The following RBFOX1 variants were observed in gnomAD, a reference collection of about 807,000 sequenced individuals.
RBFOX1 encodes RNA binding fox-1 homolog 1.
A neutral mutation model predicts 57.7 loss-of-function variants in RBFOX1; 8 were observed. The observed-to-expected ratio is 0.14, with a 90% CI of 0.08 to 0.25. The LOEUF (loss-of-function observed/expected upper bound fraction) is 0.25, where lower values mean the gene tolerates loss of function less well. RBFOX1 is among the 10% of genes least tolerant of loss of function. The pLI, the probability that RBFOX1 is intolerant of heterozygous loss-of-function variation, is 1.00. For synonymous variants in RBFOX1, 326 were observed against 222.4 expected (o/e 1.47, Z -4.15); for missense variants, 611 against 548.5 (o/e 1.11, Z -1.14).
chr16:7,481,133 CA>C (rs1351184659), intron 4 of RBFOX1, among the ~76,000 whole-genome samples: 1 of 151,964 alleles, frequency 6.6e-6, no homozygotes, highest in East Asian at 1.9e-4. Flanking sequence ...TTCATTTGTT[CA>C]ATGAGGATGG....
chr16:5,334,159 G>C (rs182654299), intron 1 of RBFOX1, among the ~76,000 whole-genome samples: 142 of 152,280 alleles, frequency 9.3e-4, no homozygotes, highest in African/African-American at 3.3e-3. Flanking sequence ...GTTTATTGTG[G>C]AGTTGGAATG....
At chr16:7,360,579 G>C (rs1002989889) in intron 4 of RBFOX1, among the ~76,000 whole-genome samples, 6 of 152,172 alleles carry the variant, frequency 3.9e-5, no homozygotes, top group Admixed American at 6.5e-5. Context: ...GGGAAGTGAG[G>C]TGTTTGAAAG....
chr16:7,520,220 T>C (rs573934844), intron 5 of RBFOX1, among the ~76,000 whole-genome samples: 4 of 152,186 alleles, frequency 2.6e-5, no homozygotes, highest in Non-Finnish European at 5.9e-5. Context: ...TGGTATACAT[T>C]CTGAAATTTT....
intron 3 of RBFOX1, among the ~76,000 whole-genome samples, chr16:5,810,102 A>G (rs1442826036): frequency 6.6e-6 from 1 of 150,740 alleles, no homozygotes; most frequent in Non-Finnish European, 1.5e-5. Flanking sequence ...ATATATTCTC[A>G]CTCACAGGTG....
intron 4 of RBFOX1, among the ~76,000 whole-genome samples, chr16:7,068,952 A>G (rs2056755799): frequency 6.6e-6 from 1 of 152,206 alleles, no homozygotes; most frequent in South Asian, 2.1e-4. Flanking sequence ...CAAGTAAGGT[A>G]ATGAGAATGT....
chr16:7,046,530 C>G (rs905644649), intron 3 of RBFOX1, among the ~76,000 whole-genome samples: 1 of 148,084 alleles, frequency 6.8e-6, no homozygotes, highest in Non-Finnish European at 1.5e-5. Context: ...TTAATTGTGC[C>G]TCAATAAAGA....
intron 3 of RBFOX1, among the ~76,000 whole-genome samples, chr16:5,845,830 A>G (rs944600954): frequency 2.6e-5 from 4 of 152,196 alleles, no homozygotes; most frequent in Middle Eastern, 3.2e-3. Context: ...GCAGTGGTCT[A>G]TAAAATGGGG....
intron 2 of RBFOX1, among the ~76,000 whole-genome samples, chr16:6,604,707 C>G (rs78357728): frequency 2.0e-5 from 3 of 152,170 alleles, no homozygotes; most frequent in Non-Finnish European, 4.4e-5. Context: ...CATGCACACA[C>G]ACGTATAATT....
chr16:5,683,492 T>C (rs1459608987), intron 3 of RBFOX1, among the ~76,000 whole-genome samples: 1 of 152,032 alleles, frequency 6.6e-6, no homozygotes, highest in South Asian at 2.1e-4. Flanking sequence ...ACCCTGAATC[T>C]GGTGGGTACA....
chr16:6,926,760 C>G (rs1318578484), intron 3 of RBFOX1, among the ~76,000 whole-genome samples: 1 of 152,150 alleles, frequency 6.6e-6, no homozygotes, highest in East Asian at 1.9e-4. Context: ...GGAGACTGAA[C>G]TTTTAAATGC....
chr16:6,199,509 A>AAAC (rs1416775991), intron 1 of RBFOX1, among the ~76,000 whole-genome samples: 1 of 152,214 alleles, frequency 6.6e-6, no homozygotes, highest in Non-Finnish European at 1.5e-5. Flanking sequence ...AAAAGGTCTA[A>AAAC]TCCTGAGTGA....
rs564596558 is a variant in RBFOX1 at position 7,052,181 on chromosome 16, G to A, written c.27+83G>A. 3.1e-4 allele frequency: 482 copies of A among 1,530,902 alleles called. 3 individuals are homozygous for A. Among genetic ancestry groups the A allele is most frequent in the Non-Finnish European group, 2.4e-4 (273 of 1,144,806 alleles). 94.8% of individuals were successfully genotyped at this position (1,530,902 alleles called of 1,614,324 possible). On this transcript the variant is annotated intron_variant, in intron 4 of 15. Transcript: ENST00000550418. ...AATTTCCTTGTCTCTCCCAAGACAC[G>A]GGTTCTAAATAACAGGCTTCATCTT...
At chr16:7,089,387 A>C (rs1367111652) in intron 4 of RBFOX1, among the ~76,000 whole-genome samples, 2 of 150,666 alleles carry the variant, frequency 1.3e-5, no homozygotes, top group Non-Finnish European at 2.9e-5. Context: ...GAATGTTTAC[A>C]AATGCTGATT....
intron 2 of RBFOX1, among the ~76,000 whole-genome samples, chr16:6,360,114 T>C (rs912845088): frequency 2.6e-5 from 4 of 152,228 alleles, no homozygotes; most frequent in Non-Finnish European, 5.9e-5. Context: ...TTATGAACTA[T>C]TTCCAGTATG....
chr16:5,386,607 C>G (rs992183886), intron 1 of RBFOX1, among the ~76,000 whole-genome samples: 1 of 152,138 alleles, frequency 6.6e-6, no homozygotes, highest in Admixed American at 6.6e-5. Context: ...GTGACCTTAC[C>G]CTTGTCCTGG....
intron 3 of RBFOX1, among the ~76,000 whole-genome samples, chr16:5,835,508 GAA>G (rs1478835670): frequency 1.3e-5 from 2 of 152,184 alleles, no homozygotes; most frequent in East Asian, 3.9e-4. Flanking sequence ...CCTGTTGGTT[GAA>G]AAGAGTCCAG....
intron 4 of RBFOX1, among the ~76,000 whole-genome samples, chr16:7,399,270 A>T (rs1327878948): frequency 6.6e-6 from 1 of 150,530 alleles, no homozygotes; most frequent in Non-Finnish European, 1.5e-5. Flanking sequence ...CAACACGGAG[A>T]AACCCCATCT....
intron 1 of RBFOX1, among the ~76,000 whole-genome samples, chr16:5,248,083 C>A (rs2062348510): frequency 1.3e-5 from 2 of 152,182 alleles, no homozygotes; most frequent in African/African-American, 4.8e-5. Context: ...CTTGGGATCT[C>A]ACCTCGCACA....
intron 4 of RBFOX1, among the ~76,000 whole-genome samples, chr16:7,227,070 T>G (rs955646372): frequency 1.3e-5 from 2 of 152,204 alleles, no homozygotes; most frequent in African/African-American, 4.8e-5. Flanking sequence ...CCCAGCATTC[T>G]TACCTGGCCA....
Sources: gnomAD v4.1 joint callset for allele counts (sites outside exome capture counted in the v4.1 genomes callset) on GRCh38, gnomAD v4.1.1 for gene constraint, MANE v1.5 for transcripts, NCBI Gene and HGNC (gene_info 2026-07-23, HGNC 2026-07-21) for gene names.